The following CLTCL1 variants were observed in gnomAD, a reference collection of about 807,000 sequenced individuals.
CLTCL1 encodes clathrin heavy chain 2.
In CLTCL1, 159 loss-of-function variants were observed where a neutral mutation model predicts 190.0. The ratio of observed to expected loss-of-function variants is 0.84; its 90% CI spans 0.74 to 0.95. The LOEUF (loss-of-function observed/expected upper bound fraction) is 0.95. CLTCL1 is among the 40% of genes least tolerant of loss of function. The probability of loss-of-function intolerance (pLI) is 0.00; values close to 1 mark genes in which losing one functional copy is unlikely to be tolerated. For synonymous variants in CLTCL1, 752 were observed against 769.6 expected (o/e 0.98, Z 0.38); for missense variants, 1,878 against 2,033.4 (o/e 0.92, Z 1.47).
chr22:19,273,933 T>C (rs2087409047), intron 2 of CLTCL1, among the ~76,000 whole-genome samples: 2 of 152,142 alleles, frequency 1.3e-5, no homozygotes, highest in African/African-American at 4.8e-5. Flanking sequence ...AGTGTGTTCC[T>C]GGTGGTCTTT....
intron 25 of CLTCL1, 24 bp downstream of exon 25, chr22:19,196,465 C>T: frequency 1.2e-6 from 2 of 1,613,936 alleles, no homozygotes; most frequent in Non-Finnish European, 1.7e-6. Context: ...CCACGGCTGC[C>T]AGACTGCAAG....
At chr22:19,207,545 C>A in intron 22 of CLTCL1, 1 of 402,624 alleles carries the variant, frequency 2.5e-6, no homozygotes, top group South Asian at 1.2e-4. Context: ...TTCTCATGAT[C>A]TTTATCTGCA....
chr22:19,208,275 G>T lies in CLTCL1; in HGVS notation c.3479C>A (p.Ala1160Asp), dbSNP rs1471117824. 20 of 1,613,564 alleles carry T rather than the reference G, an allele frequency of 1.2e-5. No individual in the cohort carries two copies. The highest frequency in any genetic ancestry group is 1.6e-5 in the Non-Finnish European group (19 of 1,179,864). ...ATAGGACTCACGGCCCTTTTTCCTG[G>T]CCATCTGCAGAAATTTAACTAGATC... ...WEDLVKFLQM[A>D]RKKGRESYIE... The change falls in exon 22 of 33, where the codon GCC becomes GAC. Residue 1160 changes from alanine (A) to aspartate (D), a missense_variant. Coordinates refer to ENST00000427926, the MANE Select transcript of CLTCL1 (RefSeq NM_007098.4).
chr22:19,183,001 G>A lies in CLTCL1; in HGVS notation c.4827+389C>T, dbSNP rs116676796. On this transcript the variant is annotated intron_variant, in intron 30 of 32. Transcript: ENST00000427926. ...AGCTACCACCAACCGTATGCTAACA[G>A]CTGCACCCCCAGACGCCACTGGGAG... The A allele has an allele frequency of 3.6e-3, 983 of 270,468 alleles. 14 individuals carry two copies. The highest frequency in any genetic ancestry group is 0.02 in the African/African-American group (904 of 45,554). 16.8% of individuals were successfully genotyped at this position (270,468 alleles called of 1,614,324 possible).
intron 5 of CLTCL1, chr22:19,238,619 G>C (rs1441159851): frequency 4.9e-6 from 1 of 204,064 alleles, no homozygotes; most frequent in Non-Finnish European, 1.1e-5. Flanking sequence ...CGAACTCCTC[G>C]AAGTCTGGCT....
At chr22:19,215,840 A>G (rs1555949145) in intron 19 of CLTCL1, among the ~76,000 whole-genome samples, 2 of 152,182 alleles carry the variant, frequency 1.3e-5, no homozygotes, top group East Asian at 3.8e-4. Context: ...TTCTCTGAGC[A>G]TTGTGTTAAA....
At chr22:19,194,572 T>C (rs183127384) in intron 26 of CLTCL1, among the ~76,000 whole-genome samples, 323 of 152,362 alleles carry the variant, frequency 2.1e-3, no homozygotes, top group African/African-American at 7.4e-3. Flanking sequence ...CGTGCTGTGC[T>C]GCACAACCTG....
intron 2 of CLTCL1, chr22:19,258,121 G>T: frequency 2.5e-6 from 1 of 395,634 alleles, no homozygotes; most frequent in South Asian, 2.0e-5. Context: ...TGTAGATGAA[G>T]ACAAAGATTG....
Position 19,191,427 on chromosome 22 carries a change from G to A in CLTCL1, c.4200C>T (p.Asn1400=), listed in dbSNP as rs782069354. 25 of 1,613,386 alleles carry A rather than the reference G, an allele frequency of 1.5e-5. No individual in the cohort carries two copies. In the Middle Eastern group the frequency reaches 5.0e-4, roughly 33 times the overall value. ...GCAGGGCTCTGTAACAGAGCTCGAC[G>A]TTGGCAACCTGTGGTGAGCAAAGCT... The part of the protein sequence containing the change: ...QFKDIITKVA[N]VELCYRALQF... Residue 1400 remains asparagine, a synonymous_variant, in exon 27 of 33, where the codon AAC becomes AAT. Transcript: ENST00000427926.
chr22:19,269,831 C>T (rs1555979663), intron 2 of CLTCL1, among the ~76,000 whole-genome samples: 1 of 151,838 alleles, frequency 6.6e-6, no homozygotes, highest in Non-Finnish European at 1.5e-5. Flanking sequence ...TTAATGTATG[C>T]AGGGCTTAAA....
intron 5 of CLTCL1, chr22:19,238,632 G>A (rs2086155340): frequency 5.0e-6 from 1 of 200,644 alleles, no homozygotes; most frequent in Non-Finnish European, 1.1e-5. Flanking sequence ...GTCTGGCTAG[G>A]CACATGCCAC....
chr22:19,229,674 G>C (rs1206551), intron 11 of CLTCL1, among the ~76,000 whole-genome samples, 164 bp downstream of exon 11: 9,404 of 152,242 alleles, frequency 0.062, 349 homozygotes, highest in Middle Eastern at 0.16. Context: ...CATGATTTCT[G>C]GAAAATCCTT....
chr22:19,201,502 A>AATAG lies in CLTCL1; in HGVS notation c.3601-13_3601-10dup. On this transcript the variant is annotated splice_polypyrimidine_tract_variant and intron_variant, in intron 22 of 32. Coordinates refer to ENST00000427926, the MANE Select transcript of CLTCL1 (RefSeq NM_007098.4). ...TAACAGCGGTCTCCAACCTACGGAT[A>AATAG]ATAGGGTAGCTCGACTGAGACACTC... is the stretch of plus-strand genomic sequence containing the variant. The AATAG allele has an allele frequency of 6.2e-7, 1 of 1,607,072 alleles. No individual in the cohort carries two copies. Among genetic ancestry groups the AATAG allele is most frequent in the Non-Finnish European group, 8.5e-7 (1 of 1,174,716 alleles).
intron 2 of CLTCL1, among the ~76,000 whole-genome samples, chr22:19,259,307 T>A (rs1232270708): frequency 1.3e-5 from 2 of 152,104 alleles, no homozygotes; most frequent in Non-Finnish European, 2.9e-5. Context: ...GGTTTTACCA[T>A]GTTGGCCAGG....
intron 4 of CLTCL1, among the ~76,000 whole-genome samples, chr22:19,240,279 A>G (rs1460392871): frequency 6.6e-6 from 1 of 150,986 alleles, no homozygotes; most frequent in Admixed American, 6.6e-5. Context: ...ACTTTCATCT[A>G]AAGAAAAAAT....
chr22:19,195,635 C>T (rs117950653), intron 26 of CLTCL1, among the ~76,000 whole-genome samples: 78 of 151,524 alleles, frequency 5.1e-4, no homozygotes, highest in Non-Finnish European at 5.2e-4. Context: ...TCACCAAACT[C>T]ACATACAGAG....
chr22:19,233,481 G>A lies in CLTCL1; in HGVS notation c.1309C>T (p.His437Tyr). The A allele has an allele frequency of 2.5e-6, 4 of 1,613,850 alleles. No individual in the cohort carries two copies. The highest frequency in any genetic ancestry group is 1.3e-5 in the African/African-American group (1 of 75,016). Reference sequence around the variant, plus strand: ...TTACGCCCCTGCTGAAGAACCAGATGGCAAAGTTCTAAGGATTCAAGTTTA... The same window carrying A: ...TTACGCCCCTGCTGAAGAACCAGATAGCAAAGTTCTAAGGATTCAAGTTTA... ...LNKLESLELC[H>Y]LVLQQGRKQL... The change falls in exon 8 of 33, where the codon CAT (histidine) becomes TAT (tyrosine). Residue 437 changes from histidine (H) to tyrosine (Y), a missense_variant. Coordinates refer to ENST00000427926, the MANE Select transcript of CLTCL1 (RefSeq NM_007098.4).
At chr22:19,242,371 C>T (rs1342564188) in intron 4 of CLTCL1, among the ~76,000 whole-genome samples, 1 of 151,970 alleles carries the variant, frequency 6.6e-6, no homozygotes, top group African/African-American at 2.4e-5. Context: ...CTCACTGCAA[C>T]CTCTGCCTTG....
rs782000633 is a variant in CLTCL1 at position 19,229,904 on chromosome 22, ATTC to A, written c.1713_1715del (p.Lys571del). 4.4e-5 allele frequency: 71 copies of A among 1,611,990 alleles called. No individual in the cohort carries two copies. In the East Asian group the frequency reaches 1.5e-3, roughly 33 times the overall value. The stretch of plus-strand genomic sequence containing the variant: ...GCAGGAGTCCCTCAGCTGGGCGATT[ATTC>A]TTCAAGGCATCCAATAAGAAGGAAG... On this transcript the variant is annotated inframe_deletion, in exon 11 of 33. Transcript: ENST00000427926.
Sources: allele counts gnomAD v4.1 joint callset (sites outside exome capture counted in the v4.1 genomes callset), GRCh38; gene constraint gnomAD v4.1.1; transcripts MANE v1.5; gene names NCBI Gene and HGNC (gene_info 2026-07-23, HGNC 2026-07-21).